Variants in PRH1 observed in about 807,000 individuals in gnomAD.
PRH1 encodes the protein proline rich protein HaeIII subfamily 1, also known as salivary acidic proline-rich phosphoprotein 1/2.
In PRH1, 7 loss-of-function variants were observed where a neutral mutation model predicts 7.9. That is an observed-to-expected ratio of 0.89 (90% CI 0.50 to 1.67). The LOEUF is 1.67. PRH1 is among the 40% of genes most tolerant of loss of function. The probability of loss-of-function intolerance (pLI) is 0.00; values close to 1 mark genes in which losing one functional copy is unlikely to be tolerated. For synonymous variants in PRH1, 45 were observed against 80.8 expected (o/e 0.56, Z 2.38); for missense variants, 109 against 223.6 (o/e 0.49, Z 3.27).
intron 1 of PRH1, among the ~76,000 whole-genome samples, chr12:11,162,628 G>A (rs1044728308): frequency 1.3e-5 from 2 of 152,162 alleles, no homozygotes; most frequent in African/African-American, 2.4e-5. Flanking sequence ...CAGGTACTGT[G>A]TTGCTGACCA....
At chr12:11,069,804 G>T (rs1943984585) in intron 1 of PRH1, among the ~76,000 whole-genome samples, 1 of 152,218 alleles carries the variant, frequency 6.6e-6, no homozygotes, top group South Asian at 2.1e-4. Context: ...ACCTCAACCA[G>T]TTGTCAGGAC....
chr12:11,048,250 C>A, upstream of PRH1: 1 of 164,038 alleles, frequency 6.1e-6, no homozygotes, highest in Non-Finnish European at 1.3e-5. Flanking sequence ...TAAGGAAAAA[C>A]GAATGGAAAT....
chr12:10,938,966 A>AT (rs778784911), intron 2 of PRH1: 49 of 1,613,440 alleles, frequency 3.0e-5, no homozygotes, highest in Middle Eastern at 1.6e-4. Context: ...CATTCTGAAC[A>AT]TTTTTTCAGT....
chr12:10,949,444 C>T (rs1950536523), intron 2 of PRH1, among the ~76,000 whole-genome samples: 1 of 152,128 alleles, frequency 6.6e-6, no homozygotes, highest in African/African-American at 2.4e-5. Flanking sequence ...AGGCTTTGTC[C>T]AAGATTAGCA....
intron 1 of PRH1, chr12:11,132,920 A>G (rs1946407930): frequency 5.3e-6 from 1 of 188,476 alleles, no homozygotes; most frequent in East Asian, 1.3e-4. Context: ...AATAGAAAAG[A>G]GCAATATTTT....
intron 2 of PRH1, chr12:10,965,394 G>T: frequency 1.2e-6 from 1 of 834,352 alleles, no homozygotes; most frequent in Non-Finnish European, 1.8e-6. Context: ...AGGCCTAACA[G>T]CACTGGCTGT....
chr12:11,171,286 G>T, intron 1 of PRH1: 2 of 1,028,856 alleles, frequency 1.9e-6, no homozygotes, highest in Non-Finnish European at 2.5e-6. Flanking sequence ...GGTCCCAGCC[G>T]TCGCTAGGAG....
intron 1 of PRH1, among the ~76,000 whole-genome samples, chr12:11,105,184 T>C (rs765300488): frequency 1.3e-5 from 2 of 152,058 alleles, no homozygotes; most frequent in Non-Finnish European, 2.9e-5. Flanking sequence ...TAACAACTCT[T>C]AAAAGGACTC....
chr12:11,047,386 TAA>T (rs1180540672), upstream of PRH1, among the ~76,000 whole-genome samples: 3 of 151,154 alleles, frequency 2.0e-5, no homozygotes, highest in Admixed American at 6.6e-5. Context: ...GAGTTTATTT[TAA>T]GAGAGGGAAT....
In PRH1 at chr12:10,909,237, T is replaced by C. The variant is rs770288010; in HGVS notation, c.-58-24962A>G. The C allele has an allele frequency of 1.9e-6, 3 of 1,613,760 alleles. No homozygotes were observed. Among genetic ancestry groups the C allele is most frequent in the Non-Finnish European group, 2.5e-6 (3 of 1,179,856 alleles). On this transcript the variant is annotated intron_variant, in intron 2 of 3. Transcript: ENST00000539853. ...CAGTACTATAAATCCATTGCTCAAA[T>C]TCCCAATTATGAATTCTGCAATTAT...
At chr12:10,929,448 A>C (rs1221982551) in intron 2 of PRH1, 8 of 1,330,596 alleles carry the variant, frequency 6.0e-6, no homozygotes, top group African/African-American at 2.9e-5. Context: ...GATAGGACTG[A>C]AGAGTTCTCA....
At chr12:10,917,885 C>A (rs1419101184) in intron 2 of PRH1, among the ~76,000 whole-genome samples, 2 of 152,198 alleles carry the variant, frequency 1.3e-5, no homozygotes, top group African/African-American at 4.8e-5. Flanking sequence ...CCTCTTCACA[C>A]ATGTCCATTT....
chr12:11,142,611 C>G (rs1946732670), intron 1 of PRH1, among the ~76,000 whole-genome samples: 1 of 152,070 alleles, frequency 6.6e-6, no homozygotes, highest in South Asian at 2.1e-4. Flanking sequence ...TTTTTCTCAA[C>G]AAACAATGCC....
At chr12:11,056,080 A>G (rs1450113385) in intron 1 of PRH1, among the ~76,000 whole-genome samples, 4 of 140,634 alleles carry the variant, frequency 2.8e-5, no homozygotes, top group Non-Finnish European at 6.4e-5. Context: ...CTAAAATGAA[A>G]AAATAATTTT....
chr12:10,940,174 C>A (rs950340589), intron 2 of PRH1, among the ~76,000 whole-genome samples: 6 of 152,112 alleles, frequency 3.9e-5, no homozygotes, highest in African/African-American at 1.4e-4. Context: ...TAATACTTTT[C>A]TATTATTTTA....
chr12:11,051,712 C>G (rs1167262258), upstream of PRH1, among the ~76,000 whole-genome samples: 1 of 152,178 alleles, frequency 6.6e-6, no homozygotes, highest in Non-Finnish European at 1.5e-5. Flanking sequence ...TTGGTTTGGT[C>G]TGCTTGGAAC....
chr12:11,161,911 T>G (rs1284097930), intron 1 of PRH1, among the ~76,000 whole-genome samples: 1 of 152,242 alleles, frequency 6.6e-6, no homozygotes, highest in Non-Finnish European at 1.5e-5. Context: ...TGGAAATTTT[T>G]GTAGGGTAAG....
At chr12:11,060,675 T>C (rs1943557648) in intron 1 of PRH1, among the ~76,000 whole-genome samples, 1 of 152,092 alleles carries the variant, frequency 6.6e-6, no homozygotes, top group Non-Finnish European at 1.5e-5. Context: ...TTCACATGCT[T>C]GTATTAAATC....
intron 2 of PRH1, among the ~76,000 whole-genome samples, chr12:10,968,656 G>A (rs1347814191): frequency 6.6e-6 from 1 of 152,216 alleles, no homozygotes; most frequent in African/African-American, 2.4e-5. Context: ...GCTCACTGAC[G>A]CTAGAACCAG....
Sources: allele counts gnomAD v4.1 joint callset (sites outside exome capture counted in the v4.1 genomes callset), GRCh38; gene constraint gnomAD v4.1.1; transcripts MANE v1.5; gene names NCBI Gene and HGNC (gene_info 2026-07-23, HGNC 2026-07-21).